Variants in ST6GALNAC5 observed in about 807,000 individuals in gnomAD.
The protein encoded by ST6GALNAC5 is ST6 N-acetylgalactosaminide alpha-2,6-sialyltransferase 5.
In ST6GALNAC5, 27 loss-of-function variants were observed where a neutral mutation model predicts 33.6. The ratio of observed to expected loss-of-function variants is 0.80; its 90% CI spans 0.59 to 1.11. The LOEUF (loss-of-function observed/expected upper bound fraction) is 1.11, where lower values mean the gene tolerates loss of function less well. ST6GALNAC5 is among the 50% of genes least tolerant of loss of function. The probability of loss-of-function intolerance (pLI) is 0.00; values close to 1 mark genes in which losing one functional copy is unlikely to be tolerated. For missense variants in ST6GALNAC5, 428 were observed against 454.0 expected, an observed-to-expected ratio of 0.94 and a Z score of 0.52; for synonymous variants, 194 against 171.2, an observed-to-expected ratio of 1.13 and a Z score of -1.04.
intron 2 of ST6GALNAC5, among the ~76,000 whole-genome samples, chr1:77,036,893 C>T (rs911131392): frequency 1.3e-5 from 2 of 152,116 alleles, no homozygotes; most frequent in Non-Finnish European, 2.9e-5. Context: ...TAAACAAAAA[C>T]CTGGATGATG....
At chr1:77,020,485 G>A (rs918707223) in intron 2 of ST6GALNAC5, among the ~76,000 whole-genome samples, 6 of 152,082 alleles carry the variant, frequency 3.9e-5, no homozygotes, top group Admixed American at 6.6e-5. Context: ...ACTGCAACCT[G>A]CACCTCCCAA....
chr1:77,044,881 T>C (rs1268775028), intron 3 of ST6GALNAC5, among the ~76,000 whole-genome samples: 1 of 152,200 alleles, frequency 6.6e-6, no homozygotes, highest in Non-Finnish European at 1.5e-5. Flanking sequence ...TGGCCTTCAT[T>C]GGTTAAAAGT....
chr1:76,984,272 A>G (rs1649387402), intron 2 of ST6GALNAC5, among the ~76,000 whole-genome samples: 1 of 152,230 alleles, frequency 6.6e-6, no homozygotes, highest in Non-Finnish European at 1.5e-5. Flanking sequence ...TAGCAAGACT[A>G]ATAAAGAAGA....
rs144074793 is a variant in ST6GALNAC5 at position 76,973,416 on chromosome 1, T to TTTA, written c.262-70758_262-70756dup. 8.4e-4 allele frequency among the ~76,000 whole-genome samples: 125 copies of TTTA among 148,640 alleles called. 1 individual carries two copies. Among genetic ancestry groups the TTTA allele is most frequent in the African/African-American group, 2.1e-3 (86 of 40,242 alleles). On this transcript the variant is annotated intron_variant, in intron 2 of 4. Coordinates refer to ENST00000477717, the MANE Select transcript of ST6GALNAC5 (RefSeq NM_030965.3). ...TCCTCTTACTCAGGAAGCAGTCAGG[T>TTTA]TTATTATTATTATTATTATTATTAT...
intron 2 of ST6GALNAC5, among the ~76,000 whole-genome samples, chr1:76,994,311 C>A (rs1649843840): frequency 1.3e-5 from 2 of 152,158 alleles, no homozygotes; most frequent in South Asian, 4.1e-4. Flanking sequence ...TTAATCAAAT[C>A]AGACAGCTCC....
intron 2 of ST6GALNAC5, among the ~76,000 whole-genome samples, chr1:76,906,595 G>A (rs1646866187): frequency 6.6e-6 from 1 of 152,084 alleles, no homozygotes; most frequent in Non-Finnish European, 1.5e-5. Context: ...TGATTGTTGA[G>A]TACAGGCATG....
intron 2 of ST6GALNAC5, among the ~76,000 whole-genome samples, chr1:76,907,414 C>G (rs1646874582): frequency 6.6e-6 from 1 of 152,128 alleles, no homozygotes; most frequent in Admixed American, 6.6e-5. Context: ...GTCAGATTTG[C>G]TAATAGTGCA....
chr1:76,980,486 C>T (rs1018705626), intron 2 of ST6GALNAC5, among the ~76,000 whole-genome samples: 6 of 152,124 alleles, frequency 3.9e-5, no homozygotes, highest in African/African-American at 1.4e-4. Context: ...TATTTTGAGG[C>T]ATATCAATTA....
chr1:77,037,687 T>TA (rs1202073366), intron 2 of ST6GALNAC5, among the ~76,000 whole-genome samples: 1 of 152,070 alleles, frequency 6.6e-6, no homozygotes, highest in Non-Finnish European at 1.5e-5. Context: ...AAGGGGACCC[T>TA]AGGATCTACA....
chr1:77,062,560 G>C (rs980350683), intron 4 of ST6GALNAC5, among the ~76,000 whole-genome samples: 1 of 152,164 alleles, frequency 6.6e-6, no homozygotes, highest in African/African-American at 2.4e-5. Context: ...CATCCCAGCA[G>C]CCATGCTCTC....
intron 2 of ST6GALNAC5, among the ~76,000 whole-genome samples, chr1:76,953,733 A>G (rs1647843713): frequency 6.6e-6 from 1 of 152,106 alleles, no homozygotes; most frequent in South Asian, 2.1e-4. Flanking sequence ...ACTTAGATTT[A>G]CATCCTGAAT....
At chr1:76,965,246 T>A (rs1036174865) in intron 2 of ST6GALNAC5, among the ~76,000 whole-genome samples, 1 of 152,050 alleles carries the variant, frequency 6.6e-6, no homozygotes, top group Admixed American at 6.6e-5. Flanking sequence ...AAAGCATTCC[T>A]ATTTCTCCAC....
At chr1:76,946,233 A>G (rs545337507) in intron 2 of ST6GALNAC5, among the ~76,000 whole-genome samples, 4 of 152,232 alleles carry the variant, frequency 2.6e-5, no homozygotes, top group South Asian at 2.1e-4. Context: ...TATACACTTT[A>G]CCTCCACTAT....
At chr1:76,998,410 TA>T (rs1193824606) in intron 2 of ST6GALNAC5, among the ~76,000 whole-genome samples, 2 of 151,080 alleles carry the variant, frequency 1.3e-5, no homozygotes, top group Non-Finnish European at 3.0e-5. Context: ...AAAGTGAAAT[TA>T]AAAAAAAGAA....
intron 2 of ST6GALNAC5, among the ~76,000 whole-genome samples, chr1:77,010,523 C>A (rs990870425): frequency 6.6e-6 from 1 of 151,916 alleles, no homozygotes; most frequent in African/African-American, 2.4e-5. Context: ...ATAAAAATAA[C>A]CTTGCCTCGT....
rs572653958 is a variant in ST6GALNAC5 at position 76,907,826 on chromosome 1, C to T, written c.261+39084C>T. Among the ~76,000 whole-genome samples the T allele has an allele frequency of 3.3e-5, 5 of 152,240 alleles. No individual in the cohort carries two copies. The South Asian group carries it at 1.0e-3, about 32-fold the overall frequency. On this transcript the variant is annotated intron_variant, in intron 2 of 4. Coordinates refer to ENST00000477717, the MANE Select transcript of ST6GALNAC5 (RefSeq NM_030965.3). ...GTGTATTGTAGCTACATCCTTAGCT[C>T]ACTTTGGTTTTAGTCTCAAGATCAT...
chr1:76,955,109 G>A (rs1214353925), intron 2 of ST6GALNAC5, among the ~76,000 whole-genome samples: 2 of 151,928 alleles, frequency 1.3e-5, no homozygotes, highest in Non-Finnish European at 2.9e-5. Flanking sequence ...CGGCATGAAG[G>A]AAAAAAAGCA....
intron 2 of ST6GALNAC5, among the ~76,000 whole-genome samples, chr1:76,914,972 A>T (rs1348827142): frequency 4.0e-5 from 6 of 151,206 alleles, no homozygotes; most frequent in African/African-American, 1.4e-4. Context: ...CAGAATCTAC[A>T]ATGAACTCAA....
intron 2 of ST6GALNAC5, chr1:76,871,291 G>T (rs1653497773): frequency 6.6e-6 from 1 of 152,086 alleles, no homozygotes; most frequent in South Asian, 2.1e-4. Context: ...GATGGAATAT[G>T]CTGGATGTGA....
Sources: gnomAD v4.1 joint callset for allele counts (sites outside exome capture counted in the v4.1 genomes callset) on GRCh38, gnomAD v4.1.1 for gene constraint, MANE v1.5 for transcripts, NCBI Gene and HGNC (gene_info 2026-07-23, HGNC 2026-07-21) for gene names.